The following CLEC4D variants were observed in gnomAD, a reference collection of about 807,000 sequenced individuals.
CLEC4D encodes C-type lectin domain family 4 member D, also known as C-type (calcium dependent, carbohydrate-recognition domain) lectin, superfamily member 8.
In CLEC4D, 21 loss-of-function variants were observed where a neutral mutation model predicts 21.1. The ratio of observed to expected loss-of-function variants is 1.00; its 90% CI spans 0.71 to 1.43. CLEC4D has a LOEUF of 1.43. Among genes scored for constraint, CLEC4D ranks in the 40% most tolerant of loss-of-function variants. The probability of loss-of-function intolerance (pLI) is 0.00; values close to 1 mark genes in which losing one functional copy is unlikely to be tolerated. For missense variants in CLEC4D, 289 were observed against 260.7 expected (o/e 1.11, Z -0.75); for synonymous variants, 85 against 83.1 (o/e 1.02, Z -0.12).
intron 5 of CLEC4D, 77 bp from the exon 6 acceptor site, chr12:8,521,047 C>A: frequency 6.6e-7 from 1 of 1,504,740 alleles, no homozygotes; most frequent in Admixed American, 2.2e-5. Context: ...CCTAATATAT[C>A]TATATCTAAT....
downstream of CLEC4D, among the ~76,000 whole-genome samples, chr12:8,523,350 G>C (rs185679200): frequency 6.6e-6 from 1 of 152,076 alleles, no homozygotes; most frequent in Non-Finnish European, 1.5e-5. Context: ...TTTTCCATTT[G>C]TTTGTGTCCT....
chr12:8,525,462 G>A (rs931150765), downstream of CLEC4D, among the ~76,000 whole-genome samples: 1 of 151,992 alleles, frequency 6.6e-6, no homozygotes, highest in African/African-American at 2.4e-5. Flanking sequence ...GCCATTCTTT[G>A]TCTTTTTTAA....
intron 1 of CLEC4D, 95 bp downstream of exon 1, chr12:8,513,855 G>A: frequency 1.4e-6 from 1 of 726,216 alleles, no homozygotes; most frequent in South Asian, 1.7e-5. Flanking sequence ...GATTGTTGAT[G>A]ATGACGGGGA....
At chr12:8,531,270 G>A in the CLEC4D span, among the ~76,000 whole-genome samples, 30 of 151,974 alleles carry the variant, frequency 2.0e-4, no homozygotes, top group African/African-American at 5.8e-4. Context: ...TCCCCCTCCC[G>A]CATATACATG....
downstream of CLEC4D, among the ~76,000 whole-genome samples, chr12:8,524,364 T>G (rs61919168): frequency 0.26 from 39,423 of 149,968 alleles, 6,130 homozygotes; most frequent in East Asian, 0.47. Context: ...TATTAATTGC[T>G]GCCTCTATTT....
At chr12:8,526,976 G>T (rs151086476), downstream of CLEC4D, among the ~76,000 whole-genome samples, 1,194 of 152,124 alleles carry the variant, frequency 7.8e-3, 20 homozygotes, top group African/African-American at 0.027. Context: ...CAGTTTGCTG[G>T]GGGTTCACTT....
At chr12:8,516,972 C>T (rs78616180) in intron 2 of CLEC4D, among the ~76,000 whole-genome samples, 2,069 of 152,300 alleles carry the variant, frequency 0.014, 49 homozygotes, top group African/African-American at 0.046. Context: ...AGAAACAATT[C>T]TCAACAAAAG....
At chr12:8,513,975 G>T (rs769196276) in intron 1 of CLEC4D, among the ~76,000 whole-genome samples, 1 of 152,012 alleles carries the variant, frequency 6.6e-6, no homozygotes, top group East Asian at 1.9e-4. Context: ...ACCAAGAGGG[G>T]AGATAAAATA....
the CLEC4D span, among the ~76,000 whole-genome samples, chr12:8,529,788 G>A: frequency 6.6e-6 from 1 of 152,138 alleles, no homozygotes; most frequent in African/African-American, 2.4e-5. Flanking sequence ...GCAGGGGGAT[G>A]GGAAAGAGAG....
downstream of CLEC4D, among the ~76,000 whole-genome samples, chr12:8,524,685 GTC>G (rs1940494154): frequency 6.6e-6 from 1 of 152,044 alleles, no homozygotes; most frequent in South Asian, 2.1e-4. Context: ...GGTTTTTCAT[GTC>G]TCTATTCTCC....
Position 8,520,274 on chromosome 12 carries a change from C to G in CLEC4D, c.433C>G (p.Leu145Val), listed in dbSNP as rs375859133. 5.0e-5 allele frequency: 80 copies of G among 1,613,826 alleles called. No homozygotes were observed. Among genetic ancestry groups the G allele is most frequent in the Middle Eastern group, 1.6e-4 (1 of 6,084 alleles). Reference sequence around the variant, plus strand: ...TAGACGGCTTTCCTATTTCCTTGGACTTAGAGATGAGAATGCCAAAGGTCA... The same window carrying G: ...TAGACGGCTTTCCTATTTCCTTGGAGTTAGAGATGAGAATGCCAAAGGTCA... ...LDRRLSYFLGLRDENAKGQWR... is the reference protein window; with the variant it reads ...LDRRLSYFLGVRDENAKGQWR... Residue 145 changes from leucine (L) to valine (V), a missense_variant, in exon 5 of 6, where the codon CTT becomes GTT. Leu to Val is a conservative substitution (Grantham distance 32). Coordinates refer to ENST00000299665, the MANE Select transcript of CLEC4D (RefSeq NM_080387.5).
the CLEC4D span, among the ~76,000 whole-genome samples, chr12:8,528,219 T>C: frequency 3.3e-5 from 5 of 152,142 alleles, no homozygotes. Context: ...AATGGGTTGA[T>C]GTATTAATGG....
At chr12:8,515,643 A>G (rs1344199988) in intron 2 of CLEC4D, among the ~76,000 whole-genome samples, 1 of 152,166 alleles carries the variant, frequency 6.6e-6, no homozygotes. Context: ...GAGTAAGCAG[A>G]AGAAAAATAA....
At chr12:8,520,408 C>A in intron 5 of CLEC4D, 67 bp downstream of exon 5, 1 of 1,566,320 alleles carries the variant, frequency 6.4e-7, no homozygotes, top group South Asian at 1.2e-5. Context: ...AAGAAACATT[C>A]ATTTTGAAGT....
chr12:8,523,674 T>C (rs1940483806), downstream of CLEC4D, among the ~76,000 whole-genome samples: 1 of 152,172 alleles, frequency 6.6e-6, no homozygotes, highest in Admixed American at 6.5e-5. Flanking sequence ...CTCTTACTAT[T>C]TGAATATGCT....
At position 8,520,223 on chromosome 12, in the gene CLEC4D, C is replaced by A. The variant is rs745492086; in HGVS notation, c.385-3C>A. 1 of 1,613,194 alleles carries A rather than the reference C, an allele frequency of 6.2e-7. No individual in the cohort carries two copies. The highest frequency in any genetic ancestry group is 8.5e-7 in the Non-Finnish European group (1 of 1,179,392). ...CTATATTAAAATTTACATTTTTATG[C>A]AGAACTTTATTATTCAGTTTCTGGA... On this transcript the variant is annotated splice_polypyrimidine_tract_variant and splice_region_variant and intron_variant, in intron 4 of 5. Transcript: ENST00000299665.
chr12:8,520,154 T>A, intron 4 of CLEC4D, 72 bp from the exon 5 acceptor site: 1 of 1,567,796 alleles, frequency 6.4e-7, no homozygotes, highest in Non-Finnish European at 8.7e-7. Context: ...AGTTGACATA[T>A]TTCCTCTTTT....
intron 2 of CLEC4D, among the ~76,000 whole-genome samples, chr12:8,517,795 A>C (rs1298342279): frequency 1.3e-5 from 2 of 151,954 alleles, no homozygotes; most frequent in Admixed American, 1.3e-4. Flanking sequence ...AAACAGAAAA[A>C]ATTAGCCGGA....
chr12:8,531,531 AT>A, the CLEC4D span, among the ~76,000 whole-genome samples: 1 of 152,156 alleles, frequency 6.6e-6, no homozygotes, highest in Non-Finnish European at 1.5e-5. Context: ...TAATTCTTCA[AT>A]TTCACTTCAA....
Sources: gnomAD v4.1 joint callset for allele counts (sites outside exome capture counted in the v4.1 genomes callset) on GRCh38, gnomAD v4.1.1 for gene constraint, MANE v1.5 for transcripts, NCBI Gene and HGNC (gene_info 2026-07-23, HGNC 2026-07-21) for gene names.